Variants in CNTNAP4 observed in about 807,000 individuals in gnomAD.
CNTNAP4 encodes contactin-associated protein-like 4.
In CNTNAP4, 98 loss-of-function variants were observed where a neutral mutation model predicts 148.4. The ratio of observed to expected loss-of-function variants is 0.66; its 90% CI spans 0.56 to 0.78. The LOEUF (loss-of-function observed/expected upper bound fraction) is 0.78. CNTNAP4 is among the 30% of genes least tolerant of loss of function. CNTNAP4 has a pLI of 0.00. For missense variants in CNTNAP4, 1,935 were observed against 1,565.6 expected (o/e 1.24, Z -3.98); for synonymous variants, 730 against 565.1 (o/e 1.29, Z -4.14).
At chr16:76,536,948 C>G (rs1028707162) in intron 18 of CNTNAP4, among the ~76,000 whole-genome samples, 2 of 152,160 alleles carry the variant, frequency 1.3e-5, no homozygotes, top group Non-Finnish European at 2.9e-5. Context: ...TAAAACAACT[C>G]CTGACTTACA....
At chr16:76,545,600 A>G (rs1253712198) in intron 21 of CNTNAP4, among the ~76,000 whole-genome samples, 2 of 152,300 alleles carry the variant, frequency 1.3e-5, no homozygotes, top group East Asian at 1.9e-4. Context: ...AAAAATACCA[A>G]ATGATAAAAG....
chr16:76,279,287 C>G (rs1407205004), intron 1 of CNTNAP4, among the ~76,000 whole-genome samples: 1 of 152,208 alleles, frequency 6.6e-6, no homozygotes, highest in Non-Finnish European at 1.5e-5. Flanking sequence ...CTGGCCTGTA[C>G]TCCATTCAGT....
chr16:76,327,933 C>T (rs1963154752), intron 2 of CNTNAP4, among the ~76,000 whole-genome samples: 1 of 152,120 alleles, frequency 6.6e-6, no homozygotes, highest in South Asian at 2.1e-4. Context: ...TCACCCCTTC[C>T]TGCGTGCCAC....
chr16:76,558,726 A>G lies in CNTNAP4; in HGVS notation c.*43A>G, dbSNP rs1404733857. ...ACATAAAATTATGATAGTTTGTTTT[A>G]ATAGCCAGGGGTTCTCAATGGAAAA... On this transcript the variant is annotated 3_prime_UTR_variant, in exon 24 of 24. Transcript: ENST00000611870. The G allele has an allele frequency of 6.8e-7, 1 of 1,460,978 alleles. No homozygotes were observed. The highest frequency in any genetic ancestry group is 9.4e-7 in the Non-Finnish European group (1 of 1,068,204). The allele number at this position is 1,460,978 out of a possible 1,614,324, so 90.5% of individuals were successfully genotyped here. A position where few individuals can be genotyped will look rare whatever the true frequency, so the allele number is the denominator to read the frequency against.
chr16:76,529,843 CTG>C (rs35748962), intron 17 of CNTNAP4, among the ~76,000 whole-genome samples: 5,514 of 148,428 alleles, frequency 0.037, 117 homozygotes, highest in Non-Finnish European at 0.051. Flanking sequence ...TGAATCTCAG[CTG>C]TGTGTGTGTG....
At position 76,375,747 on chromosome 16, in the gene CNTNAP4, A is replaced by G. The variant is rs368668679; in HGVS notation, c.390+20236A>G. Among the ~76,000 whole-genome samples, 24 of 152,306 alleles carry G rather than the reference A, an allele frequency of 1.6e-4. No individual in the cohort carries two copies. The East Asian group carries it at 4.4e-3, about 28-fold the overall frequency. Reference sequence around the variant, plus strand: ...TTCTGCAGGGAAGTTTACATTGGCTATATGGAAATAGTGAGCCTCCTTCTG... The same window carrying G: ...TTCTGCAGGGAAGTTTACATTGGCTGTATGGAAATAGTGAGCCTCCTTCTG... On this transcript the variant is annotated intron_variant, in intron 3 of 23. Coordinates refer to ENST00000611870, the MANE Select transcript of CNTNAP4 (RefSeq NM_033401.5).
chr16:76,524,960 G>C (rs1471080964), intron 17 of CNTNAP4, among the ~76,000 whole-genome samples: 2 of 151,788 alleles, frequency 1.3e-5, no homozygotes, highest in African/African-American at 2.4e-5. Context: ...CTAAGGGAAG[G>C]GCTCATAAAA....
At chr16:76,324,354 T>A (rs1962746137) in intron 2 of CNTNAP4, among the ~76,000 whole-genome samples, 1 of 152,242 alleles carries the variant, frequency 6.6e-6, no homozygotes, top group Non-Finnish European at 1.5e-5. Context: ...AGGAAAATTT[T>A]ACATGCAGGT....
At chr16:76,422,979 T>G (rs570761163) in intron 3 of CNTNAP4, among the ~76,000 whole-genome samples, 4 of 151,806 alleles carry the variant, frequency 2.6e-5, no homozygotes, top group Non-Finnish European at 5.9e-5. Context: ...AGGTCAAGAG[T>G]CCTGTTATGG....
intron 2 of CNTNAP4, among the ~76,000 whole-genome samples, chr16:76,343,494 G>A (rs372394312): frequency 2.4e-4 from 37 of 152,104 alleles, no homozygotes; most frequent in South Asian, 1.0e-3. Flanking sequence ...GGAAACATTC[G>A]CCTGCTTTTT....
intron 15 of CNTNAP4, among the ~76,000 whole-genome samples, chr16:76,511,183 C>T (rs1462308086): frequency 6.6e-6 from 1 of 152,126 alleles, no homozygotes; most frequent in African/African-American, 2.4e-5. Flanking sequence ...CCCATTTTAT[C>T]ACATGTATTT....
chr16:76,277,800 T>C, intron 1 of CNTNAP4, 53 bp downstream of exon 1: 2 of 1,086,734 alleles, frequency 1.8e-6, no homozygotes, highest in South Asian at 2.7e-5. Context: ...CTGCAAAACT[T>C]TGATTCTGTT....
At position 76,558,674 on chromosome 16, in the gene CNTNAP4, C is replaced by A; in HGVS notation, c.3918C>A (p.Tyr1306Ter). The stretch of plus-strand genomic sequence containing the variant: ...CAGTCAATGAAAATCAGAAAGAGTA[C>A]TTCTTCTGATTGGCAGCTATGATTT... ...QNAVNENQKE[Y>*]FF The change falls in exon 24 of 24, where the codon TAC (tyrosine) becomes TAA (stop). Residue 1306 changes from tyrosine (Y) to a stop codon, truncating the protein, a stop_gained. Transcript: ENST00000611870. LOFTEE classifies it high-confidence loss of function. The A allele has an allele frequency of 3.1e-6, 5 of 1,604,320 alleles. No homozygotes were observed. The highest frequency in any genetic ancestry group is 4.3e-6 in the Non-Finnish European group (5 of 1,175,442).
chr16:76,522,666 CCT>C (rs1568496357), intron 17 of CNTNAP4, among the ~76,000 whole-genome samples: 1 of 83,156 alleles, frequency 1.2e-5, no homozygotes, highest in East Asian at 3.0e-4. Flanking sequence ...TTCTCTCTTT[CCT>C]TCTTTCTCTC....
At chr16:76,358,451 G>C (rs1245210555) in intron 3 of CNTNAP4, among the ~76,000 whole-genome samples, 1 of 152,188 alleles carries the variant, frequency 6.6e-6, no homozygotes, top group Non-Finnish European at 1.5e-5. Flanking sequence ...TAAGCATTTG[G>C]AAATGGACAG....
At chr16:76,474,628 A>G (rs1568321170) in intron 10 of CNTNAP4, among the ~76,000 whole-genome samples, 1 of 152,162 alleles carries the variant, frequency 6.6e-6, no homozygotes, top group Non-Finnish European at 1.5e-5. Flanking sequence ...TCTGTAATGA[A>G]TGAGGGCATT....
At chr16:76,369,039 G>A (rs1158268223) in intron 3 of CNTNAP4, among the ~76,000 whole-genome samples, 8 of 147,424 alleles carry the variant, frequency 5.4e-5, no homozygotes, top group Non-Finnish European at 7.4e-5. Context: ...TTGTTTTTTC[G>A]TTTTTTGGTT....
intron 2 of CNTNAP4, among the ~76,000 whole-genome samples, chr16:76,337,804 A>G (rs1050568215): frequency 1.3e-5 from 2 of 152,162 alleles, no homozygotes; most frequent in Non-Finnish European, 2.9e-5. Context: ...TTCCTTCCCC[A>G]GGGTTCTTCC....
At chr16:76,302,937 T>A (rs578241589) in intron 1 of CNTNAP4, among the ~76,000 whole-genome samples, 8 of 152,254 alleles carry the variant, frequency 5.3e-5, no homozygotes, top group African/African-American at 1.9e-4. Context: ...TAGTGATGGG[T>A]CCCTGGTAGG....
Sources: allele counts gnomAD v4.1 joint callset (sites outside exome capture counted in the v4.1 genomes callset), GRCh38; gene constraint gnomAD v4.1.1; transcripts MANE v1.5; gene names NCBI Gene and HGNC (gene_info 2026-07-23, HGNC 2026-07-21).